Variants in TRPC4 observed in about 807,000 individuals in gnomAD.
TRPC4 encodes short transient receptor potential channel 4.
TRPC4 carries 49 observed loss-of-function variants against 99.4 expected under a neutral mutation model. That is an observed-to-expected ratio of 0.49 (90% confidence interval 0.39 to 0.63). The LOEUF is 0.63. Ranked by LOEUF, TRPC4 falls within the 20% of genes least tolerant of loss-of-function variation. The pLI, the probability that TRPC4 is intolerant of heterozygous loss-of-function variation, is 0.00. For synonymous variants in TRPC4, 454 were observed against 425.9 expected (o/e 1.07, Z -0.81); for missense variants, 898 against 1,152.9 (o/e 0.78, Z 3.20).
At chr13:37,733,634 T>C (rs745995038) in intron 3 of TRPC4, among the ~76,000 whole-genome samples, 3 of 152,104 alleles carry the variant, frequency 2.0e-5, no homozygotes, top group Non-Finnish European at 2.9e-5. Flanking sequence ...TTATAACAAC[T>C]AGGTTCCTTG....
At chr13:37,805,259 G>T (rs1957502697) in intron 1 of TRPC4, among the ~76,000 whole-genome samples, 2 of 152,008 alleles carry the variant, frequency 1.3e-5, no homozygotes, top group Admixed American at 1.3e-4. Context: ...ATAATTTAAT[G>T]ATATGAATTT....
At chr13:37,751,075 T>G (rs1413657274) in intron 2 of TRPC4, among the ~76,000 whole-genome samples, 1 of 152,074 alleles carries the variant, frequency 6.6e-6, no homozygotes, top group Non-Finnish European at 1.5e-5. Flanking sequence ...ACCAAGAGTG[T>G]AGTCTACCAG....
intron 3 of TRPC4, among the ~76,000 whole-genome samples, chr13:37,738,915 T>G (rs1248257119): frequency 6.9e-6 from 1 of 145,638 alleles, no homozygotes; most frequent in Non-Finnish European, 1.5e-5. Flanking sequence ...TGACCCAAAC[T>G]GAGGGTTTCC....
chr13:37,651,549 C>T (rs548752625), intron 7 of TRPC4, 90 bp from the exon 8 acceptor site: 65 of 1,189,784 alleles, frequency 5.5e-5, no homozygotes, highest in African/African-American at 4.6e-4. Flanking sequence ...TGACTTCAAG[C>T]GGCTCTTGGA....
At chr13:37,778,367 A>T (rs1956760691) in intron 2 of TRPC4, among the ~76,000 whole-genome samples, 1 of 152,102 alleles carries the variant, frequency 6.6e-6, no homozygotes, top group Non-Finnish European at 1.5e-5. Flanking sequence ...AGATAAAACA[A>T]GTAAAATTCT....
chr13:37,739,744 C>T (rs1399250448), intron 3 of TRPC4, among the ~76,000 whole-genome samples: 3 of 151,798 alleles, frequency 2.0e-5, no homozygotes, highest in Non-Finnish European at 4.4e-5. Flanking sequence ...GACCTTGTGA[C>T]CTGCCTGCCT....
chr13:37,839,582 G>A (rs1958676259), intron 1 of TRPC4, among the ~76,000 whole-genome samples: 1 of 152,132 alleles, frequency 6.6e-6, no homozygotes, highest in South Asian at 2.1e-4. Flanking sequence ...GGATCATTAT[G>A]TACCAAGCAT....
chr13:37,729,202 C>T (rs1453145894), intron 3 of TRPC4, among the ~76,000 whole-genome samples: 1 of 148,306 alleles, frequency 6.7e-6, no homozygotes, highest in Non-Finnish European at 1.5e-5. Context: ...GAAGATATAC[C>T]AACAGCCAAT....
At chr13:37,845,929 T>C (rs1328648067) in intron 1 of TRPC4, among the ~76,000 whole-genome samples, 1 of 152,048 alleles carries the variant, frequency 6.6e-6, no homozygotes, top group East Asian at 1.9e-4. Flanking sequence ...CAGCAAAAGA[T>C]AAGAAACATC....
chr13:37,833,751 A>T (rs751659620), intron 1 of TRPC4, among the ~76,000 whole-genome samples: 2 of 152,162 alleles, frequency 1.3e-5, no homozygotes, highest in African/African-American at 2.4e-5. Flanking sequence ...CCTTTTCTCA[A>T]TGCATCCTAC....
chr13:37,645,419 C>G (rs1048479963), intron 8 of TRPC4, among the ~76,000 whole-genome samples: 3 of 152,170 alleles, frequency 2.0e-5, no homozygotes, highest in African/African-American at 7.2e-5. Context: ...TCTCCAGGTC[C>G]ACTATGTGGA....
At position 37,746,360 on chromosome 13, in the gene TRPC4, T is replaced by C. The variant is rs938742613; in HGVS notation, c.474A>G (p.Ile158Met). 1.9e-6 allele frequency: 3 copies of C among 1,613,842 alleles called. No individual in the cohort carries two copies. The highest frequency in any genetic ancestry group is 3.3e-5 in the Admixed American group (2 of 59,996). ...AGACTCCTTTCTGAACCAAGAGTTT[T>C]ATTATCTCATAATTATTTGTATGGG... ...LAAHTNNYEI[I>M]KLLVQKGVSV... is the part of the protein sequence containing the mutation. Residue 158 changes from isoleucine to methionine, a missense_variant, in exon 3 of 11, where the codon ATA becomes ATG. Ile to Met is a conservative substitution (Grantham distance 10). Transcript: ENST00000379705.
At chr13:37,733,637 G>T (rs1055467975) in intron 3 of TRPC4, among the ~76,000 whole-genome samples, 2 of 151,920 alleles carry the variant, frequency 1.3e-5, no homozygotes, top group Admixed American at 6.6e-5. Context: ...TAACAACTAG[G>T]TTCCTTGGTA....
chr13:37,701,770 AG>A (rs1954108675), intron 3 of TRPC4, among the ~76,000 whole-genome samples: 1 of 152,190 alleles, frequency 6.6e-6, no homozygotes, highest in African/African-American at 2.4e-5. Flanking sequence ...CGTATGAATA[AG>A]GACTTCACTG....
chr13:37,745,281 T>C (rs1363043477), intron 3 of TRPC4, among the ~76,000 whole-genome samples: 2 of 151,562 alleles, frequency 1.3e-5, no homozygotes, highest in East Asian at 1.9e-4. Context: ...CCTGCAGCAG[T>C]TGGCCCTACG....
chr13:37,786,669 C>T (rs977691337), intron 1 of TRPC4, among the ~76,000 whole-genome samples: 2 of 151,988 alleles, frequency 1.3e-5, no homozygotes, highest in Non-Finnish European at 2.9e-5. Context: ...TAAAACATTG[C>T]TCCTGGTCCT....
intron 5 of TRPC4, among the ~76,000 whole-genome samples, chr13:37,667,289 C>T (rs1323230601): frequency 6.6e-6 from 1 of 152,132 alleles, no homozygotes; most frequent in Non-Finnish European, 1.5e-5. Flanking sequence ...TTATGTCCTC[C>T]ATCATCTATG....
chr13:37,735,065 C>T (rs1025766444), intron 3 of TRPC4, among the ~76,000 whole-genome samples: 2 of 152,136 alleles, frequency 1.3e-5, no homozygotes, highest in Non-Finnish European at 2.9e-5. Flanking sequence ...AATTCAGCTT[C>T]AGCATCATGA....
intron 8 of TRPC4, among the ~76,000 whole-genome samples, chr13:37,649,761 C>CAAAAAAAA (rs1455824451): frequency 1.8e-5 from 1 of 57,058 alleles, no homozygotes; most frequent in East Asian, 4.8e-4. Flanking sequence ...AAAAAAAAAA[C>CAAAAAAAA]AACAACAAAG....
Sources: gnomAD v4.1 joint callset for allele counts (sites outside exome capture counted in the v4.1 genomes callset) on GRCh38, gnomAD v4.1.1 for gene constraint, MANE v1.5 for transcripts, NCBI Gene and HGNC (gene_info 2026-07-23, HGNC 2026-07-21) for gene names.